Variants in KIF1B observed in about 807,000 individuals in gnomAD.
KIF1B encodes the protein kinesin family member 1B.
A neutral mutation model predicts 241.9 loss-of-function variants in KIF1B; 76 were observed. That is an observed-to-expected ratio of 0.31 (90% CI 0.26 to 0.38). KIF1B has a LOEUF of 0.38. Among genes scored for constraint, KIF1B ranks in the 10% least tolerant of loss-of-function variants. The pLI, the probability that KIF1B is intolerant of heterozygous loss-of-function variation, is 1.00. For missense variants in KIF1B, 1,622 were observed against 2,271.4 expected, an observed-to-expected ratio of 0.71 and a Z score of 5.81; for synonymous variants, 750 against 796.7, an observed-to-expected ratio of 0.94 and a Z score of 0.99.
intron 22 of KIF1B, among the ~76,000 whole-genome samples, chr1:10,300,368 G>T (rs933441924): frequency 1.1e-4 from 17 of 151,450 alleles, no homozygotes; most frequent in Admixed American, 7.2e-4. Flanking sequence ...ATGTGACAGG[G>T]TGATACATTT....
chr1:10,237,976 T>G (rs753009046), intron 2 of KIF1B, among the ~76,000 whole-genome samples: 2 of 152,048 alleles, frequency 1.3e-5, no homozygotes, highest in Non-Finnish European at 2.9e-5. Flanking sequence ...GCCACTGCGC[T>G]CTAGCCTGGG....
At chr1:10,328,950 A>G (rs1277390688) in intron 27 of KIF1B, among the ~76,000 whole-genome samples, 1 of 152,278 alleles carries the variant, frequency 6.6e-6, no homozygotes, top group Non-Finnish European at 1.5e-5. Flanking sequence ...ACTTCTACTA[A>G]GAAGCATTTG....
At chr1:10,283,583 C>G (rs1458219436) in intron 15 of KIF1B, among the ~76,000 whole-genome samples, 1 of 152,244 alleles carries the variant, frequency 6.6e-6, no homozygotes, top group Non-Finnish European at 1.5e-5. Flanking sequence ...CAGTTGTCAC[C>G]TGCAGTGCTG....
intron 24 of KIF1B, among the ~76,000 whole-genome samples, chr1:10,322,058 T>G (rs912508883): frequency 1.3e-5 from 2 of 152,236 alleles, no homozygotes; most frequent in African/African-American, 4.8e-5. Flanking sequence ...AATAAAATTT[T>G]TAAAACATGT....
chr1:10,306,824 C>CA, intron 22 of KIF1B: 2 of 961,680 alleles, frequency 2.1e-6, no homozygotes, highest in East Asian at 6.3e-5. Context: ...AACTCTGTAG[C>CA]AAAAATGGGC....
intron 15 of KIF1B, among the ~76,000 whole-genome samples, chr1:10,290,775 C>G (rs1230342063): frequency 1.3e-5 from 2 of 151,452 alleles, no homozygotes; most frequent in African/African-American, 2.4e-5. Context: ...GAGGCTGAGG[C>G]AGGAGAATCA....
rs192921641 is a variant in KIF1B, at chr1:10,336,444, G to T, written c.3044-213G>T. Reference sequence around the variant, plus strand: ...TGACAGGCGTGAGCCACCGCACCCGGCCTGAAACCGATTCTTTATTGACTA... The same window carrying T: ...TGACAGGCGTGAGCCACCGCACCCGTCCTGAAACCGATTCTTTATTGACTA... On this transcript the variant is annotated intron_variant, in intron 28 of 48. Coordinates refer to ENST00000676179, the MANE Select transcript of KIF1B (RefSeq NM_001365951.3). Among the ~76,000 whole-genome samples, 510 of 152,356 alleles carry T rather than the reference G, an allele frequency of 3.3e-3. 1 individual carries two copies. The highest frequency in any genetic ancestry group is 6.0e-3 in the Non-Finnish European group (405 of 68,034).
intron 2 of KIF1B, among the ~76,000 whole-genome samples, chr1:10,243,189 G>A (rs576509699): frequency 6.6e-6 from 1 of 152,262 alleles, no homozygotes; most frequent in Non-Finnish European, 1.5e-5. Flanking sequence ...GGCTGAGGCG[G>A]GTGAATCACT....
intron 15 of KIF1B, among the ~76,000 whole-genome samples, chr1:10,283,146 G>A (rs1649503441): frequency 1.4e-5 from 2 of 141,132 alleles, no homozygotes; most frequent in South Asian, 2.3e-4. Context: ...GGCGGAGCTT[G>A]CAGTGAGCCG....
intron 48 of KIF1B, 140 bp from the exon 49 acceptor site, chr1:10,376,405 G>A (rs1039710018): frequency 4.0e-5 from 33 of 816,998 alleles, no homozygotes; most frequent in African/African-American, 8.4e-5. Flanking sequence ...ACAGGGTCCC[G>A]GAGTAGACGG....
At chr1:10,277,919 A>G (rs1569677434) in intron 12 of KIF1B, 67 bp from the exon 13 acceptor site, 10 of 1,342,416 alleles carry the variant, frequency 7.4e-6, no homozygotes, top group Non-Finnish European at 4.2e-6. Flanking sequence ...TAGAGATAAT[A>G]GTATGTTACT....
At chr1:10,340,193 C>G (rs1652339891) in intron 32 of KIF1B, among the ~76,000 whole-genome samples, 1 of 152,180 alleles carries the variant, frequency 6.6e-6, no homozygotes, top group Admixed American at 6.5e-5. Context: ...CCTTTAAACC[C>G]TAAGATACTT....
intron 1 of KIF1B, among the ~76,000 whole-genome samples, chr1:10,215,255 T>C (rs2027327): frequency 0.32 from 44,356 of 138,290 alleles, 7,305 homozygotes; most frequent in Middle Eastern, 0.39. Context: ...CGGCTCACCG[T>C]AACCTCCACC....
chr1:10,220,063 G>T (rs1439936743), intron 1 of KIF1B, among the ~76,000 whole-genome samples: 2 of 151,894 alleles, frequency 1.3e-5, no homozygotes, highest in African/African-American at 2.4e-5. Flanking sequence ...TTAGTTGGGT[G>T]TGGTGGCACA....
At chr1:10,267,336 T>G in intron 5 of KIF1B, 44 bp from the exon 6 acceptor site, 2 of 1,588,086 alleles carry the variant, frequency 1.3e-6, no homozygotes, top group Non-Finnish European at 1.7e-6. Flanking sequence ...CTTCTGTATG[T>G]GATTTCTTTT....
At position 10,210,901 on chromosome 1, in the gene KIF1B, G is replaced by A. The variant is rs910200340; in HGVS notation, c.-80+23G>A. 2.6e-5 allele frequency: 4 copies of A among 151,230 alleles called. No homozygotes were observed. Among genetic ancestry groups the A allele is most frequent in the East Asian group, 1.9e-4 (1 of 5,182 alleles). The allele number at this position is 151,230 out of a possible 1,614,324, so 9.4% of individuals were successfully genotyped here. A position where few individuals can be genotyped will look rare whatever the true frequency, so the allele number is the denominator to read the frequency against. ...GAGGTAAGGCGGCGGGGCTGGCCGC[G>A]GTTGGCGCCGCGGTCGCGGGGTTGG... On this transcript the variant is annotated intron_variant, in intron 1 of 48. Coordinates refer to ENST00000676179, the MANE Select transcript of KIF1B (RefSeq NM_001365951.3). This position sits in a 1 kb window ranked among gnomAD's most constrained non-coding sequence, Gnocchi z 4.1.
intron 22 of KIF1B, chr1:10,308,537 G>T: frequency 9.8e-7 from 1 of 1,024,906 alleles, no homozygotes; most frequent in Non-Finnish European, 1.2e-6. Context: ...GAAAGGGAGT[G>T]TTAGTTTGTA....
At chr1:10,350,023 G>T (rs1219442200) in intron 37 of KIF1B, among the ~76,000 whole-genome samples, 1 of 152,184 alleles carries the variant, frequency 6.6e-6, no homozygotes, top group Non-Finnish European at 1.5e-5. Context: ...AGGCACGGTG[G>T]CTCACGCCTG....
chr1:10,289,994 G>T (rs1649910358), intron 15 of KIF1B, among the ~76,000 whole-genome samples: 1 of 152,078 alleles, frequency 6.6e-6, no homozygotes, highest in Non-Finnish European at 1.5e-5. Context: ...ATATCCATAG[G>T]TGCCTTGAAG....
Sources: gnomAD v4.1 joint callset for allele counts (sites outside exome capture counted in the v4.1 genomes callset) on GRCh38, gnomAD v4.1.1 for gene constraint, Gnocchi (gnomAD v3.1) non-coding constraint, MANE v1.5 for transcripts, NCBI Gene and HGNC (gene_info 2026-07-23, HGNC 2026-07-21) for gene names.